RGS17: variants seen among roughly 807,000 people sequenced by gnomAD.
RGS17 encodes the protein regulator of G protein signaling 17.
In RGS17, 12 loss-of-function variants were observed where a neutral mutation model predicts 25.5. That is an observed-to-expected ratio of 0.47 (90% CI 0.30 to 0.76). RGS17 has a LOEUF of 0.76. Ranked by LOEUF, RGS17 falls within the 30% of genes least tolerant of loss-of-function variation. RGS17 has a pLI of 0.07. For missense variants in RGS17, 196 were observed against 242.2 expected, an observed-to-expected ratio of 0.81 and a Z score of 1.27; for synonymous variants, 71 against 76.9, an observed-to-expected ratio of 0.92 and a Z score of 0.40.
intron 1 of RGS17, among the ~76,000 whole-genome samples, chr6:153,089,257 C>A (rs1282449959): frequency 6.6e-6 from 1 of 150,750 alleles, no homozygotes; most frequent in Non-Finnish European, 1.5e-5. Context: ...ATATTTATTT[C>A]TTATTAAGAG....
chr6:153,104,243 T>C (rs541244099), intron 1 of RGS17, among the ~76,000 whole-genome samples: 2 of 152,344 alleles, frequency 1.3e-5, no homozygotes, highest in African/African-American at 4.8e-5. Flanking sequence ...ATAAAAAGTG[T>C]TATTGAATAA....
chr6:153,126,381 C>T (rs13215045), intron 1 of RGS17, among the ~76,000 whole-genome samples: 56,596 of 152,056 alleles, frequency 0.37, 11,254 homozygotes, highest in East Asian at 0.67. Context: ...GGTTGGAAAA[C>T]TCAGGGGTGT....
chr6:153,025,641 T>A (rs977847240), intron 3 of RGS17, among the ~76,000 whole-genome samples: 12 of 145,494 alleles, frequency 8.2e-5, no homozygotes, highest in African/African-American at 7.5e-5. Flanking sequence ...TATATATATA[T>A]AAACATATAT....
rs373744428 is a variant in RGS17 at position 153,055,720 on chromosome 6, G to C, written c.-25-11677C>G. On this transcript the variant is annotated intron_variant, in intron 1 of 4. Transcript: ENST00000206262. ...ATAATGGTTTTCCCCTCAAAGCTTA[G>C]GCAAATTTATTAATAAGGAACACAC... 3.2e-4 allele frequency among the ~76,000 whole-genome samples: 48 copies of C among 152,294 alleles called. 8 individuals are homozygous for C. Among genetic ancestry groups the C allele is most frequent in the Admixed American group, 2.0e-3 (31 of 15,296 alleles).
At chr6:153,064,808 C>CA (rs1562324511) in intron 1 of RGS17, among the ~76,000 whole-genome samples, 2 of 151,628 alleles carry the variant, frequency 1.3e-5, no homozygotes, top group African/African-American at 4.8e-5. Flanking sequence ...AATGAATGCA[C>CA]AAAAAATACA....
At chr6:153,125,569 T>C (rs779211136) in intron 1 of RGS17, among the ~76,000 whole-genome samples, 3 of 152,208 alleles carry the variant, frequency 2.0e-5, no homozygotes, top group African/African-American at 4.8e-5. Context: ...CTGATGATTA[T>C]AAAATTTTAC....
At chr6:153,122,575 T>C (rs1021223578) in intron 1 of RGS17, among the ~76,000 whole-genome samples, 2 of 152,094 alleles carry the variant, frequency 1.3e-5, no homozygotes, top group Non-Finnish European at 2.9e-5. Flanking sequence ...TAAACTAGCA[T>C]AGAAATTACA....
intron 4 of RGS17, among the ~76,000 whole-genome samples, chr6:153,015,496 C>T (rs1779172876): frequency 6.6e-6 from 1 of 152,130 alleles, no homozygotes. Context: ...GACCCTCTCT[C>T]CACCAGCAAA....
intron 1 of RGS17, among the ~76,000 whole-genome samples, chr6:153,070,733 A>G (rs2129116990): frequency 6.6e-6 from 1 of 151,312 alleles, no homozygotes; most frequent in African/African-American, 2.4e-5. Context: ...ATATACATAT[A>G]CACATACATA....
At chr6:153,059,321 C>A (rs1384024309) in intron 1 of RGS17, among the ~76,000 whole-genome samples, 1 of 152,176 alleles carries the variant, frequency 6.6e-6, no homozygotes, top group Non-Finnish European at 1.5e-5. Flanking sequence ...TTGACAGAGG[C>A]ACCTTGTGTA....
chr6:153,066,528 C>T (rs1776710078), intron 1 of RGS17, among the ~76,000 whole-genome samples: 1 of 152,018 alleles, frequency 6.6e-6, no homozygotes, highest in Non-Finnish European at 1.5e-5. Context: ...CAAAACCAGA[C>T]AAAGACACAT....
At chr6:153,033,189 T>C (rs1277319261) in intron 2 of RGS17, among the ~76,000 whole-genome samples, 2 of 152,200 alleles carry the variant, frequency 1.3e-5, no homozygotes, top group Non-Finnish European at 2.9e-5. Flanking sequence ...TCCATCTTTT[T>C]ATCTATATTC....
At chr6:153,031,680 T>C (rs1779364997) in intron 2 of RGS17, among the ~76,000 whole-genome samples, 1 of 152,236 alleles carries the variant, frequency 6.6e-6, no homozygotes, top group Admixed American at 6.5e-5. Context: ...GAAGAGTTAA[T>C]TGTGGTATTG....
intron 2 of RGS17, 43 bp downstream of exon 2, chr6:153,043,857 C>T (rs1776352799): frequency 8.1e-7 from 1 of 1,235,304 alleles, no homozygotes; most frequent in East Asian, 2.4e-5. Context: ...ACACTAGTGC[C>T]TGCCAAGCCT....
At chr6:153,101,068 G>A (rs1777295607) in intron 1 of RGS17, among the ~76,000 whole-genome samples, 1 of 152,112 alleles carries the variant, frequency 6.6e-6, no homozygotes, top group Non-Finnish European at 1.5e-5. Context: ...ACTTAATTTG[G>A]CTATCGTATT....
At chr6:153,062,921 C>T (rs575592936) in intron 1 of RGS17, among the ~76,000 whole-genome samples, 1 of 152,248 alleles carries the variant, frequency 6.6e-6, no homozygotes, top group South Asian at 2.1e-4. Context: ...TGAAGGGAAG[C>T]ACCCAGTCCT....
intron 1 of RGS17, among the ~76,000 whole-genome samples, chr6:153,062,967 G>A (rs145106602): frequency 5.3e-5 from 8 of 152,244 alleles, no homozygotes; most frequent in Non-Finnish European, 7.4e-5. Context: ...AAGAGCCCAG[G>A]ACCATCAAGG....
At chr6:153,073,348 G>A (rs1187491201) in intron 1 of RGS17, among the ~76,000 whole-genome samples, 1 of 152,114 alleles carries the variant, frequency 6.6e-6, no homozygotes, top group Non-Finnish European at 1.5e-5. Context: ...AGTCTTATTA[G>A]CATCTACGAC....
chr6:153,011,710 G>A lies in RGS17; in HGVS notation c.497C>T (p.Pro166Leu), dbSNP rs1291558304. 1 of 1,612,908 alleles carries A rather than the reference G, an allele frequency of 6.2e-7. No homozygotes were observed. Among genetic ancestry groups the A allele is most frequent in the Non-Finnish European group, 8.5e-7 (1 of 1,179,364 alleles). ...GGCATCTTCATACATGTGAGGATTG[G>A]GATCCAACAGATTTCTATTGATCAC... ...REVINRNLLD[P>L]NPHMYEDAQL... Residue 166 changes from proline (P) to leucine (L), a missense_variant, in exon 5 of 5, where the codon CCC becomes CTC. Coordinates refer to ENST00000206262, the MANE Select transcript of RGS17 (RefSeq NM_012419.5).
Sources: gnomAD v4.1 joint callset for allele counts (sites outside exome capture counted in the v4.1 genomes callset) on GRCh38, gnomAD v4.1.1 for gene constraint, MANE v1.5 for transcripts, NCBI Gene and HGNC (gene_info 2026-07-23, HGNC 2026-07-21) for gene names.